MPND: variants seen among roughly 807,000 people sequenced by gnomAD.
MPND encodes the protein MPN domain-containing protein.
A neutral mutation model predicts 59.2 loss-of-function variants in MPND; 56 were observed. The observed-to-expected ratio is 0.95, with a 90% CI of 0.76 to 1.18. The LOEUF (loss-of-function observed/expected upper bound fraction) is 1.18. Ranked by LOEUF, MPND falls within the 50% of genes most tolerant of loss-of-function variation. The pLI is 0.00. For synonymous variants in MPND, 323 were observed against 291.9 expected, an observed-to-expected ratio of 1.11 and a Z score of -1.09; for missense variants, 671 against 676.0, an observed-to-expected ratio of 0.99 and a Z score of 0.08.
At position 4,352,513 on chromosome 19, in the gene MPND, C is replaced by G. The variant is rs915777428; in HGVS notation, c.532-384C>G. ...CAGCCTGACCAACATGGAGAAATCC[C>G]GTCTCTACTAAGAATACAAAATTAG... On this transcript the variant is annotated intron_variant, in intron 3 of 12. Coordinates refer to ENST00000599840, the MANE Select transcript of MPND (RefSeq NM_001300862.2). Among the ~76,000 whole-genome samples the G allele has an allele frequency of 5.3e-5, 8 of 152,118 alleles. No individual in the cohort carries two copies. The Middle Eastern group carries it at 0.01, about 194-fold the overall frequency.
At chr19:4,346,792 AG>A (rs1972195823) in intron 3 of MPND, among the ~76,000 whole-genome samples, 1 of 146,970 alleles carries the variant, frequency 6.8e-6, no homozygotes, top group Admixed American at 6.9e-5. Context: ...GCATTTTGGG[AG>A]GCTGAAGCAG....
chr19:4,359,677 G>A (rs1246257359), intron 12 of MPND, among the ~76,000 whole-genome samples: 1 of 152,184 alleles, frequency 6.6e-6, no homozygotes, highest in South Asian at 2.1e-4. Context: ...AGTGGGGGCA[G>A]GATCGGGAGT....
intron 3 of MPND, among the ~76,000 whole-genome samples, chr19:4,351,691 T>C (rs1234701082): frequency 6.6e-6 from 1 of 150,658 alleles, no homozygotes; most frequent in Non-Finnish European, 1.5e-5. Context: ...TGAAACCCCA[T>C]CTCTACTAAA....
At chr19:4,358,256 G>C (rs938670293) in intron 11 of MPND, 84 bp downstream of exon 11, 11 of 1,255,682 alleles carry the variant, frequency 8.8e-6, no homozygotes, top group Non-Finnish European at 1.2e-5. Flanking sequence ...CCACCGGTGG[G>C]CTTGGGAAGC....
In MPND at chr19:4,354,365, TCAA is replaced by T. The variant is rs1479551302; in HGVS notation, c.795_797del (p.Asn265del). 1.6e-5 allele frequency: 25 copies of T among 1,562,582 alleles called. No homozygotes were observed. Among genetic ancestry groups the T allele is most frequent in the African/African-American group, 2.7e-5 (2 of 73,792 alleles). ...GTGGAAGTAACATCCTTTGCAGCCA[TCAA>T]CAAGTTCCAGCCGTTCAACGTGGCT... On this transcript the variant is annotated inframe_deletion, in exon 6 of 13. Coordinates refer to ENST00000599840, the MANE Select transcript of MPND (RefSeq NM_001300862.2).
At chr19:4,347,033 C>T (rs1351204736) in intron 3 of MPND, among the ~76,000 whole-genome samples, 2 of 150,986 alleles carry the variant, frequency 1.3e-5, no homozygotes, top group Non-Finnish European at 2.9e-5. Context: ...CATTTCAAAA[C>T]AACAACAACA....
intron 11 of MPND, chr19:4,358,451 A>G (rs1355810451): frequency 2.2e-6 from 1 of 461,724 alleles, no homozygotes; most frequent in African/African-American, 2.0e-5. Context: ...TTGGGTGGTA[A>G]CTGGATGAAC....
At chr19:4,355,979 G>A (rs952422469) in intron 8 of MPND, among the ~76,000 whole-genome samples, 3 of 150,660 alleles carry the variant, frequency 2.0e-5, no homozygotes, top group African/African-American at 7.3e-5. Flanking sequence ...TCTGCCTCCT[G>A]AATACCTAGG....
In MPND at chr19:4,345,949, C is replaced by G; in HGVS notation, c.499C>G (p.Gln167Glu). 3.1e-6 allele frequency: 5 copies of G among 1,612,916 alleles called. No individual in the cohort carries two copies. Among genetic ancestry groups the G allele is most frequent in the Non-Finnish European group, 4.2e-6 (5 of 1,179,844 alleles). ...CAAGGCCACCTGGCTCCGGCTGCACCAGCTGCACACGCCTGCCACGGCTGC... is the reference window on the plus strand; with the variant it reads ...CAAGGCCACCTGGCTCCGGCTGCACGAGCTGCACACGCCTGCCACGGCTGC... ...KYKATWLRLH[Q>E]LHTPATAADE... Residue 167 changes from glutamine to glutamate, a missense_variant, in exon 3 of 13, where the codon CAG becomes GAG. Physicochemically the swap from Gln to Glu is conservative, Grantham distance 29. Coordinates refer to ENST00000599840, the MANE Select transcript of MPND (RefSeq NM_001300862.2).
Position 4,355,134 on chromosome 19 carries a change from G to T in MPND, c.957G>T (p.Arg319=), listed in dbSNP as rs1164936639. ...TCAGAGCCTTCCCTTGTCGGAGCCG[G>T]CTCGGGGACGCAGAGACTGCAGCTG... ...TVLRAFPCRS[R]LGDAETAAAI... is the part of the protein sequence containing the mutation. The change falls in exon 8 of 13, where the codon CGG becomes CGT. Residue 319 remains arginine, a synonymous_variant. Transcript: ENST00000599840. 1 of 1,613,498 alleles carries T rather than the reference G, an allele frequency of 6.2e-7. No homozygotes were observed. Among genetic ancestry groups the T allele is most frequent in the African/African-American group, 1.3e-5 (1 of 74,898 alleles).
chr19:4,354,648 C>G, intron 6 of MPND: 1 of 598,616 alleles, frequency 1.7e-6, no homozygotes, highest in South Asian at 2.0e-5. Flanking sequence ...AGCGGGTCAC[C>G]TGAACTCAGG....
Position 4,343,569 on chromosome 19 carries a change from G to T in MPND, c.-25G>T. 4 of 1,222,102 alleles carry T rather than the reference G, an allele frequency of 3.3e-6. No homozygotes were observed. The highest frequency in any genetic ancestry group is 4.1e-6 in the Non-Finnish European group (4 of 981,714). 75.7% of individuals were successfully genotyped at this position (1,222,102 alleles called of 1,614,324 possible). On this transcript the variant is annotated 5_prime_UTR_variant, in exon 1 of 13. Coordinates refer to ENST00000599840, the MANE Select transcript of MPND (RefSeq NM_001300862.2). ...ACGTGCCGGGAAGCCGGAGTCTAGA[G>T]CTCCGGGCGCGGGGAGGCGCGGCCA... is the stretch of plus-strand genomic sequence containing the variant.
At chr19:4,358,847 C>T (rs1193413417) in intron 11 of MPND, among the ~76,000 whole-genome samples, 1 of 152,148 alleles carries the variant, frequency 6.6e-6, no homozygotes, top group Non-Finnish European at 1.5e-5. Flanking sequence ...ACAGGTGTCA[C>T]TGCTGGGGAT....
In MPND at chr19:4,354,326, A is replaced by G. The variant is rs199844303; in HGVS notation, c.752A>G (p.Asn251Ser). The G allele has an allele frequency of 7.1e-6, 11 of 1,556,500 alleles. No homozygotes were observed. In the East Asian group the frequency reaches 2.2e-4, roughly 31 times the overall value. ...TGCGACCCTCCTGGCCCCTACAGGA[A>G]CCCCCACACCCTGGTGGAAGTAACA... is the stretch of plus-strand genomic sequence containing the variant. ...CMLGSRDLAR[N>S]PHTLVEVTSF... is the part of the protein sequence containing the mutation. The change falls in exon 6 of 13, where the codon AAC (asparagine) becomes AGC (serine). Residue 251 changes from asparagine to serine, a missense_variant and splice_region_variant. Coordinates refer to ENST00000599840, the MANE Select transcript of MPND (RefSeq NM_001300862.2).
In MPND at chr19:4,359,981, CG is replaced by C; in HGVS notation, c.1486del (p.Val496SerfsTer?). 6.4e-7 allele frequency: 1 copy of C among 1,566,910 alleles called. No individual in the cohort carries two copies. The highest frequency in any genetic ancestry group is 8.7e-7 in the Non-Finnish European group (1 of 1,155,456). ...LCHVLEQVCG[V>X]LKQGS ...GTCACGTCCTGGAACAGGTGTGCGG[CG>C]TCCTCAAGCAGGGGAGCTGAGCCTT... On this transcript the variant is annotated frameshift_variant, in exon 13 of 13. Transcript: ENST00000599840. LOFTEE classifies it high-confidence loss of function.
chr19:4,359,154 G>A lies in MPND; in HGVS notation c.1327-9G>A, dbSNP rs1972516607. 1.9e-6 allele frequency: 3 copies of A among 1,608,982 alleles called. No individual in the cohort carries two copies. The highest frequency in any genetic ancestry group is 2.2e-5 in the South Asian group (2 of 91,020). On this transcript the variant is annotated splice_polypyrimidine_tract_variant and intron_variant, in intron 11 of 12. Transcript: ENST00000599840. ...GGAGCCTGGGAGTCCATGCTCCTCTGTCCTGTAGATGCTGCTGGTGGAGTT... is the reference window on the plus strand; with the variant it reads ...GGAGCCTGGGAGTCCATGCTCCTCTATCCTGTAGATGCTGCTGGTGGAGTT...
rs1382853445 is a variant in MPND, at chr19:4,355,379, A to G, written c.996+206A>G. Among the ~76,000 whole-genome samples, 80 of 131,878 alleles carry G rather than the reference A, an allele frequency of 6.1e-4. 2 individuals are homozygous for G. The highest frequency in any genetic ancestry group is 4.6e-5 in the Non-Finnish European group (3 of 65,046). The allele number at this position is 131,878 out of a possible 152,430, so 86.5% of individuals were successfully genotyped here. ...GAGACGGAGTCTCGCTCTGTCACCCAGGCTAGAGTGCAGTGGTGCGATCTC... is the reference window on the plus strand; with the variant it reads ...GAGACGGAGTCTCGCTCTGTCACCCGGGCTAGAGTGCAGTGGTGCGATCTC... On this transcript the variant is annotated intron_variant, in intron 8 of 12. Coordinates refer to ENST00000599840, the MANE Select transcript of MPND (RefSeq NM_001300862.2).
intron 11 of MPND, 114 bp downstream of exon 11, chr19:4,358,286 G>A: frequency 1.1e-6 from 1 of 932,376 alleles, no homozygotes; most frequent in Non-Finnish European, 1.6e-6. Flanking sequence ...TGGCGCCTTG[G>A]GGGCCTGGGT....
At chr19:4,343,629 C>CGGGGGGGGCTGCA (rs1555735223) in intron 1 of MPND, 29 bp downstream of exon 1, 4 of 1,188,512 alleles carry the variant, frequency 3.4e-6, no homozygotes, top group Non-Finnish European at 4.2e-6. Flanking sequence ...GGCGGAGGCG[C>CGGGGGGGGCTGCA]GGGGCGCGGG....
Sources: allele counts gnomAD v4.1 joint callset (sites outside exome capture counted in the v4.1 genomes callset), GRCh38; gene constraint gnomAD v4.1.1; transcripts MANE v1.5; gene names NCBI Gene and HGNC (gene_info 2026-07-23, HGNC 2026-07-21).